FHIP1A: variants seen among roughly 807,000 people sequenced by gnomAD.
FHIP1A encodes the protein FHF complex subunit HOOK interacting protein 1A.
Under a neutral mutation model 88.6 loss-of-function variants are expected in FHIP1A, and 61 were observed. That is an observed-to-expected ratio of 0.69 (90% confidence interval 0.56 to 0.85). FHIP1A has a LOEUF of 0.85. Ranked by LOEUF, FHIP1A falls within the 40% of genes least tolerant of loss-of-function variation. FHIP1A has a pLI of 0.00. For missense variants in FHIP1A, 1,154 were observed against 1,273.5 expected, an observed-to-expected ratio of 0.91 and a Z score of 1.43; for synonymous variants, 478 against 496.0, an observed-to-expected ratio of 0.96 and a Z score of 0.48.
At chr4:151,494,134 A>G (rs562507491) in intron 3 of FHIP1A, among the ~76,000 whole-genome samples, 1 of 152,290 alleles carries the variant, frequency 6.6e-6, no homozygotes, top group Admixed American at 6.5e-5. Context: ...TGTTGGATGC[A>G]TAGTTTGCAA....
chr4:151,429,163 G>A (rs1371693069), intron 1 of FHIP1A, among the ~76,000 whole-genome samples: 2 of 151,432 alleles, frequency 1.3e-5, no homozygotes, highest in South Asian at 2.1e-4. Context: ...AGACTTACTG[G>A]TTATAATTTA....
In FHIP1A at chr4:151,588,258, T is replaced by C. The variant is rs183796026; in HGVS notation, c.892-582T>C. On this transcript the variant is annotated intron_variant, in intron 6 of 13. Transcript: ENST00000435205. ...ATGAGAAGTATTGTACTTCTGATAA[T>C]GTTTTCCGCTTTTGAATATTATCTA... 1.2e-4 allele frequency among the ~76,000 whole-genome samples: 19 copies of C among 152,288 alleles called. No homozygotes were observed. The East Asian group carries it at 2.3e-3, about 19-fold the overall frequency.
intron 1 of FHIP1A, among the ~76,000 whole-genome samples, chr4:151,452,443 C>T (rs1219635415): frequency 6.6e-6 from 1 of 152,044 alleles, no homozygotes; most frequent in African/African-American, 2.4e-5. Flanking sequence ...AGTGATACAT[C>T]AGGCTGGCAT....
intron 7 of FHIP1A, among the ~76,000 whole-genome samples, chr4:151,594,249 G>C (rs1433941431): frequency 6.6e-6 from 1 of 152,170 alleles, no homozygotes; most frequent in African/African-American, 2.4e-5. Flanking sequence ...GATGATGCTG[G>C]CTTCATAAAA....
chr4:151,571,018 C>T (rs1733582753), intron 4 of FHIP1A, among the ~76,000 whole-genome samples: 1 of 152,156 alleles, frequency 6.6e-6, no homozygotes, highest in Non-Finnish European at 1.5e-5. Context: ...GAAAAGAGGA[C>T]AGAAATAGTA....
At chr4:151,631,102 A>G (rs1297673746) in intron 8 of FHIP1A, among the ~76,000 whole-genome samples, 1 of 152,174 alleles carries the variant, frequency 6.6e-6, no homozygotes, top group Non-Finnish European at 1.5e-5. Context: ...CACACTGGAA[A>G]AAGAAGAGCA....
At chr4:151,608,847 A>T (rs1735183083) in intron 7 of FHIP1A, among the ~76,000 whole-genome samples, 1 of 152,218 alleles carries the variant, frequency 6.6e-6, no homozygotes, top group Non-Finnish European at 1.5e-5. Flanking sequence ...GGAGATAAGG[A>T]ATCTCAAAAT....
chr4:151,600,248 C>G (rs1166948300), intron 7 of FHIP1A, among the ~76,000 whole-genome samples: 1 of 152,208 alleles, frequency 6.6e-6, no homozygotes, highest in Non-Finnish European at 1.5e-5. Context: ...GGCCCACTGG[C>G]TCTTGAAGCT....
chr4:151,431,651 C>T (rs2126541082), intron 1 of FHIP1A, among the ~76,000 whole-genome samples: 1 of 152,228 alleles, frequency 6.6e-6, no homozygotes, highest in South Asian at 2.1e-4. Flanking sequence ...ACTGGATGAG[C>T]ACTGCAATGC....
chr4:151,562,308 C>G (rs1488206128), intron 3 of FHIP1A, among the ~76,000 whole-genome samples: 1 of 152,184 alleles, frequency 6.6e-6, no homozygotes, highest in Admixed American at 6.5e-5. Context: ...GCCAGCTGTG[C>G]TTCCCATCAA....
In FHIP1A at chr4:151,650,168, C is replaced by T; in HGVS notation, c.2127C>T (p.Pro709=). Reference sequence around the variant, plus strand: ...ATTCAGACCCGTTTCACAGTGAGCCCAAGGAGCCAAAGCAAGAGAGGGAAC... The same window carrying T: ...ATTCAGACCCGTTTCACAGTGAGCCTAAGGAGCCAAAGCAAGAGAGGGAAC... ...RDNSDPFHSE[P]KEPKQEREPE... is the part of the protein sequence containing the mutation. The change falls in exon 11 of 14, where the codon CCC becomes CCT. Residue 709 remains proline (P), a synonymous_variant. Coordinates refer to ENST00000435205, the MANE Select transcript of FHIP1A (RefSeq NM_001109977.3). The T allele has an allele frequency of 1.9e-6, 3 of 1,551,642 alleles. No individual in the cohort carries two copies. Among genetic ancestry groups the T allele is most frequent in the Non-Finnish European group, 8.7e-7 (1 of 1,146,990 alleles).
At chr4:151,433,472 GA>G (rs900729180) in intron 1 of FHIP1A, among the ~76,000 whole-genome samples, 44 of 151,738 alleles carry the variant, frequency 2.9e-4, no homozygotes, top group Admixed American at 1.8e-3. Context: ...TGGGATGGCA[GA>G]AAAAAAATAG....
chr4:151,536,860 GTTTGCTTTTTTATTCTT>G (rs966429470), intron 3 of FHIP1A, among the ~76,000 whole-genome samples: 1 of 151,992 alleles, frequency 6.6e-6, no homozygotes, highest in African/African-American at 2.4e-5. Flanking sequence ...GTAGTTACAT[GTTTGCTTTTTTATTCTT>G]TATTTTTTTG....
intron 1 of FHIP1A, among the ~76,000 whole-genome samples, chr4:151,447,074 C>T (rs1233951453): frequency 6.6e-6 from 1 of 152,094 alleles, no homozygotes; most frequent in Non-Finnish European, 1.5e-5. Context: ...GGGATATTTT[C>T]TGTTAAGTGG....
At chr4:151,432,578 C>G (rs1199205979) in intron 1 of FHIP1A, among the ~76,000 whole-genome samples, 2 of 152,160 alleles carry the variant, frequency 1.3e-5, no homozygotes, top group Non-Finnish European at 2.9e-5. Flanking sequence ...TATTAGATTG[C>G]AAAAATTAGT....
chr4:151,587,891 T>G (rs547059145), intron 6 of FHIP1A, among the ~76,000 whole-genome samples: 1 of 152,212 alleles, frequency 6.6e-6, no homozygotes, highest in African/African-American at 2.4e-5. Context: ...CAGAAGTTTG[T>G]GGAAATAAAA....
chr4:151,635,597 T>C (rs1055504991), intron 8 of FHIP1A, among the ~76,000 whole-genome samples: 1 of 151,806 alleles, frequency 6.6e-6, no homozygotes, highest in Non-Finnish European at 1.5e-5. Context: ...GGATGATCTT[T>C]GAGGGTATTA....
intron 9 of FHIP1A, among the ~76,000 whole-genome samples, chr4:151,644,211 T>C (rs1012455052): frequency 1.3e-5 from 2 of 152,188 alleles, no homozygotes; most frequent in East Asian, 1.9e-4. Flanking sequence ...TTCACATCAA[T>C]GGCTACAGGA....
At position 151,667,293 on chromosome 4, in the gene FHIP1A, G is replaced by A. The variant is rs1737699429; in HGVS notation, c.*4539G>A. Reference sequence around the variant, plus strand: ...TAACACAACACTAATTTTCCATCAAGTAACAGCTTAAAACAGAACACTGTC... The same window carrying A: ...TAACACAACACTAATTTTCCATCAAATAACAGCTTAAAACAGAACACTGTC... On this transcript the variant is annotated 3_prime_UTR_variant, in exon 14 of 14. Transcript: ENST00000435205. The A allele has an allele frequency of 6.6e-6, 1 of 152,182 alleles. No individual in the cohort carries two copies. Among genetic ancestry groups the A allele is most frequent in the Non-Finnish European group, 1.5e-5 (1 of 68,050 alleles). 9.4% of individuals were successfully genotyped at this position (152,182 alleles called of 1,614,324 possible). A position where few individuals can be genotyped will look rare whatever the true frequency, so the allele number is the denominator to read the frequency against.
Sources: allele counts gnomAD v4.1 joint callset (sites outside exome capture counted in the v4.1 genomes callset), GRCh38; gene constraint gnomAD v4.1.1; transcripts MANE v1.5; gene names NCBI Gene and HGNC (gene_info 2026-07-23, HGNC 2026-07-21).